DPY19L1: variants seen among roughly 807,000 people sequenced by gnomAD.
The protein encoded by DPY19L1 is protein C-mannosyl-transferase DPY19L1.
DPY19L1 carries 35 observed loss-of-function variants against 96.9 expected under a neutral mutation model. That is an observed-to-expected ratio of 0.36 (90% CI 0.28 to 0.48). DPY19L1 has a LOEUF of 0.48. DPY19L1 is among the 20% of genes least tolerant of loss of function. The pLI, the probability that DPY19L1 is intolerant of heterozygous loss-of-function variation, is 0.99. For synonymous variants in DPY19L1, 205 were observed against 252.6 expected (o/e 0.81, Z 1.79); for missense variants, 521 against 777.9 (o/e 0.67, Z 3.93).
chr7:35,002,169 A>C (rs1408332526), intron 6 of DPY19L1, among the ~76,000 whole-genome samples: 14 of 151,664 alleles, frequency 9.2e-5, no homozygotes, highest in East Asian at 1.9e-4. Flanking sequence ...AACAAAAAAA[A>C]CCCACACACA....
chr7:34,990,047 T>C (rs1213199004), intron 6 of DPY19L1, 106 bp from the exon 7 acceptor site: 4 of 779,014 alleles, frequency 5.1e-6, no homozygotes, highest in African/African-American at 3.6e-5. Context: ...TAAGATTTTA[T>C]AGTCATACTA....
At chr7:34,942,149 A>G (rs1784033828) in intron 17 of DPY19L1, among the ~76,000 whole-genome samples, 3 of 152,174 alleles carry the variant, frequency 2.0e-5, no homozygotes, top group South Asian at 2.1e-4. Flanking sequence ...TTTTTAATCA[A>G]CCTTGATGCT....
At chr7:35,036,901 G>A (rs1170266156) in intron 1 of DPY19L1, among the ~76,000 whole-genome samples, 196 bp downstream of exon 1, 1 of 151,874 alleles carries the variant, frequency 6.6e-6, no homozygotes, top group Non-Finnish European at 1.5e-5. Flanking sequence ...AGCTGAGCCA[G>A]GGAGTTGCGG....
intron 9 of DPY19L1, 111 bp downstream of exon 9, chr7:34,969,312 GAAAATGTTTT>G: frequency 2.1e-6 from 1 of 483,394 alleles, no homozygotes; most frequent in Non-Finnish European, 3.5e-6. Flanking sequence ...ATTTTTCCTA[GAAAATGTTTT>G]AGTGTTTTAG....
At chr7:34,951,315 A>T (rs1175893013) in intron 13 of DPY19L1, among the ~76,000 whole-genome samples, 1 of 152,084 alleles carries the variant, frequency 6.6e-6, no homozygotes, top group Admixed American at 6.5e-5. Context: ...CAGAAAATAT[A>T]AACTTCACAA....
chr7:34,976,657 T>C (rs73341419), intron 7 of DPY19L1, among the ~76,000 whole-genome samples: 5,624 of 152,260 alleles, frequency 0.037, 153 homozygotes, highest in African/African-American at 0.069. Context: ...GCAAATTTCA[T>C]TGTTATCTTA....
chr7:35,037,211 G>A lies in DPY19L1; in HGVS notation c.184C>T (p.Pro62Ser), dbSNP rs901367751. The A allele has an allele frequency of 2.0e-5, 3 of 150,426 alleles. No homozygotes were observed. Among genetic ancestry groups the A allele is most frequent in the Non-Finnish European group, 4.3e-5 (3 of 69,020 alleles). The allele number at this position is 150,426 out of a possible 1,614,324, so 9.3% of individuals were successfully genotyped here. ...AAGRKGPRAE[P>S]GAPPAGGGLG... ...CCGCCCCCGGCGGGCGGCGCGCCGGGCTCGGCGCGGGGCCCCTTCCTGCCC... is the reference window on the plus strand; with the variant it reads ...CCGCCCCCGGCGGGCGGCGCGCCGGACTCGGCGCGGGGCCCCTTCCTGCCC... Residue 62 changes from proline to serine, a missense_variant, in exon 1 of 22, where the codon CCC becomes TCC. Pro to Ser is a moderately conservative substitution (Grantham distance 74). Transcript: ENST00000638088.
chr7:34,936,472 T>C (rs1284240124), intron 21 of DPY19L1, among the ~76,000 whole-genome samples: 1 of 152,146 alleles, frequency 6.6e-6, no homozygotes, highest in Non-Finnish European at 1.5e-5. Flanking sequence ...TTCAAGAGAG[T>C]GAAGCCCAAA....
intron 18 of DPY19L1, among the ~76,000 whole-genome samples, chr7:34,940,565 C>T (rs1000069848): frequency 5.9e-5 from 9 of 151,998 alleles, no homozygotes; most frequent in African/African-American, 2.2e-4. Context: ...TTCACTACTC[C>T]CAGATTCAAG....
chr7:34,984,939 T>C (rs1785016646), intron 7 of DPY19L1, among the ~76,000 whole-genome samples: 1 of 152,160 alleles, frequency 6.6e-6, no homozygotes, highest in African/African-American at 2.4e-5. Flanking sequence ...ATTCACATGA[T>C]TGTTCACAAG....
chr7:34,978,368 T>C (rs1025696108), intron 7 of DPY19L1, among the ~76,000 whole-genome samples: 2 of 152,334 alleles, frequency 1.3e-5, no homozygotes, highest in Non-Finnish European at 1.5e-5. Context: ...TATTGCTTAA[T>C]ATTAACTATA....
intron 3 of DPY19L1, among the ~76,000 whole-genome samples, chr7:35,014,372 T>C (rs983961555): frequency 2.7e-5 from 4 of 150,704 alleles, no homozygotes; most frequent in Non-Finnish European, 5.9e-5. Context: ...TTTGGAAAGA[T>C]AGCAAGGGTG....
chr7:34,961,775 C>G (rs1562807595), intron 10 of DPY19L1, among the ~76,000 whole-genome samples: 2 of 151,908 alleles, frequency 1.3e-5, no homozygotes, highest in Non-Finnish European at 2.9e-5. Flanking sequence ...TAAAACTCGA[C>G]AATAAGGAAA....
At chr7:34,936,286 G>A (rs1002428865) in intron 21 of DPY19L1, among the ~76,000 whole-genome samples, 1 of 151,494 alleles carries the variant, frequency 6.6e-6, no homozygotes, top group African/African-American at 2.4e-5. Context: ...GACTGTTAGA[G>A]CTATGCAAAT....
intron 8 of DPY19L1, among the ~76,000 whole-genome samples, chr7:34,971,056 A>AG (rs2128668113): frequency 1.3e-5 from 2 of 152,320 alleles, no homozygotes; most frequent in African/African-American, 4.8e-5. Context: ...TCAGCACTGC[A>AG]GCCTGCATCA....
At chr7:34,994,241 A>C (rs1562819876) in intron 6 of DPY19L1, among the ~76,000 whole-genome samples, 1 of 152,152 alleles carries the variant, frequency 6.6e-6, no homozygotes, top group Non-Finnish European at 1.5e-5. Context: ...GAGATAATCA[A>C]CAAGCTCAAT....
At chr7:34,937,754 C>A (rs1389366878) in intron 21 of DPY19L1, among the ~76,000 whole-genome samples, 2 of 152,006 alleles carry the variant, frequency 1.3e-5, no homozygotes, top group Non-Finnish European at 2.9e-5. Context: ...GTCAACACAG[C>A]AAAACCCCAT....
intron 6 of DPY19L1, among the ~76,000 whole-genome samples, chr7:35,002,192 T>C (rs1584248660): frequency 6.8e-6 from 1 of 147,340 alleles, no homozygotes; most frequent in South Asian, 2.1e-4. Flanking sequence ...AGCTAGAAGA[T>C]GCCAAGGTTA....
chr7:35,016,313 C>T (rs1785847247), intron 3 of DPY19L1, among the ~76,000 whole-genome samples: 1 of 152,084 alleles, frequency 6.6e-6, no homozygotes, highest in Non-Finnish European at 1.5e-5. Flanking sequence ...GGAAAGTTTA[C>T]AAAATATGTT....
Sources: gnomAD v4.1 joint callset for allele counts (sites outside exome capture counted in the v4.1 genomes callset) on GRCh38, gnomAD v4.1.1 for gene constraint, MANE v1.5 for transcripts, NCBI Gene and HGNC (gene_info 2026-07-23, HGNC 2026-07-21) for gene names.